The following PPP6R3 variants were observed in gnomAD, a reference collection of about 807,000 sequenced individuals.
PPP6R3 encodes the protein serine/threonine-protein phosphatase 6 regulatory subunit 3.
PPP6R3 carries 38 observed loss-of-function variants against 110.7 expected under a neutral mutation model. The ratio of observed to expected loss-of-function variants is 0.34; its 90% CI spans 0.26 to 0.45. The LOEUF is 0.45. PPP6R3 is among the 20% of genes least tolerant of loss of function. The pLI is 1.00. For missense variants in PPP6R3, 870 were observed against 1,062.4 expected (o/e 0.82, Z 2.52); for synonymous variants, 369 against 373.5 (o/e 0.99, Z 0.14).
At position 68,614,259 on chromosome 11, in the gene PPP6R3, T is replaced by G. The variant is rs1177201354; in HGVS notation, c.*1142T>G. On this transcript the variant is annotated 3_prime_UTR_variant, in exon 24 of 24. Coordinates refer to ENST00000393800, the MANE Select transcript of PPP6R3 (RefSeq NM_001164161.2). ...CTGGTTTGTGTATATATATAGTGAT[T>G]ATGGATACTAATTCAATGTAATTTA... 9.7e-7 allele frequency: 1 copy of G among 1,028,816 alleles called. No individual in the cohort carries two copies. 63.7% of individuals were successfully genotyped at this position (1,028,816 alleles called of 1,614,324 possible).
intron 3 of PPP6R3, among the ~76,000 whole-genome samples, chr11:68,539,585 A>G (rs1460891883): frequency 6.6e-6 from 1 of 152,214 alleles, no homozygotes; most frequent in Non-Finnish European, 1.5e-5. Context: ...CCTGTGTGTA[A>G]CATATCTTGG....
chr11:68,577,828 C>G (rs548398816), intron 14 of PPP6R3, among the ~76,000 whole-genome samples: 1 of 152,300 alleles, frequency 6.6e-6, no homozygotes, highest in African/African-American at 2.4e-5. Flanking sequence ...TCTTTGCTTG[C>G]TCTGCTTTTC....
intron 1 of PPP6R3, among the ~76,000 whole-genome samples, chr11:68,513,947 G>C (rs192751723): frequency 4.6e-5 from 7 of 152,322 alleles, no homozygotes; most frequent in Non-Finnish European, 1.0e-4. Context: ...CTGCATATGT[G>C]ATGTTGATCC....
rs145023117 is a variant in PPP6R3 at position 68,499,023 on chromosome 11, C to A, written c.-157-20478C>A. On this transcript the variant is annotated intron_variant, in intron 1 of 23. Transcript: ENST00000393800. ...CTGTGTAGAGATGTCTTACTTAGGG[C>A]AATTTTAATTTACAGTAGTGAGGTC... 4.6e-5 allele frequency among the ~76,000 whole-genome samples: 7 copies of A among 152,134 alleles called. No homozygotes were observed. In the East Asian group the frequency reaches 1.4e-3, roughly 29 times the overall value.
intron 2 of PPP6R3, among the ~76,000 whole-genome samples, chr11:68,521,343 G>A (rs1303212263): frequency 2.6e-5 from 4 of 152,212 alleles, no homozygotes; most frequent in African/African-American, 7.2e-5. Context: ...GGTGGTAGGA[G>A]CTAAAATGTC....
intron 1 of PPP6R3, among the ~76,000 whole-genome samples, chr11:68,475,657 C>T (rs1459675351): frequency 1.4e-5 from 2 of 141,750 alleles, no homozygotes; most frequent in African/African-American, 2.6e-5. Context: ...CCCTCCCGGA[C>T]GGGGCGGCTG....
At chr11:68,551,513 G>A (rs910207212) in intron 6 of PPP6R3, among the ~76,000 whole-genome samples, 28 of 151,724 alleles carry the variant, frequency 1.8e-4, no homozygotes, top group Non-Finnish European at 2.6e-4. Context: ...CCTTTGAGAC[G>A]GAGTCTCCCT....
rs141132437 is a variant in PPP6R3 at position 68,546,235 on chromosome 11, T to C, written c.414+1211T>C. ...TGTCTCTTTTTTTCTGCCTTCTAGTTAGAAATACAAGAACTGCTGGCTGTT... is the reference window on the plus strand; with the variant it reads ...TGTCTCTTTTTTTCTGCCTTCTAGTCAGAAATACAAGAACTGCTGGCTGTT... On this transcript the variant is annotated intron_variant, in intron 4 of 23. Transcript: ENST00000393800. Among the ~76,000 whole-genome samples, 978 of 152,268 alleles carry C rather than the reference T, an allele frequency of 6.4e-3. 11 individuals are homozygous for C. Among genetic ancestry groups the C allele is most frequent in the Non-Finnish European group, 7.5e-3 (510 of 68,024 alleles).
chr11:68,611,521 G>A (rs1158899275), intron 23 of PPP6R3, among the ~76,000 whole-genome samples: 1 of 152,220 alleles, frequency 6.6e-6, no homozygotes, highest in Non-Finnish European at 1.5e-5. Context: ...GGGTCAGCCA[G>A]TGGAAGAAGA....
At chr11:68,468,049 C>G (rs545371849) in intron 1 of PPP6R3, among the ~76,000 whole-genome samples, 6 of 152,302 alleles carry the variant, frequency 3.9e-5, no homozygotes, top group Non-Finnish European at 8.8e-5. Context: ...GTTGAAATTA[C>G]AGGCATGAGC....
At chr11:68,592,912 C>T (rs757935030) in intron 18 of PPP6R3, among the ~76,000 whole-genome samples, 13 of 152,164 alleles carry the variant, frequency 8.5e-5, no homozygotes, top group South Asian at 2.1e-4. Flanking sequence ...CAGAGCACCA[C>T]GTGTGGAAGG....
At chr11:68,465,635 A>G (rs558661688) in intron 1 of PPP6R3, among the ~76,000 whole-genome samples, 14 of 152,334 alleles carry the variant, frequency 9.2e-5, no homozygotes, top group African/African-American at 3.4e-4. Flanking sequence ...CAGCAAATAC[A>G]TTAATTGAGT....
intron 4 of PPP6R3, 113 bp from the exon 5 acceptor site, chr11:68,547,954 T>C (rs1404739359): frequency 9.9e-6 from 11 of 1,110,276 alleles, no homozygotes; most frequent in Non-Finnish European, 1.4e-5. Context: ...CATTTGCCAT[T>C]TCTCAACCTA....
intron 1 of PPP6R3, among the ~76,000 whole-genome samples, chr11:68,467,597 C>T (rs999364215): frequency 3.9e-5 from 6 of 152,168 alleles, no homozygotes; most frequent in Admixed American, 1.3e-4. Context: ...CACACTGAGA[C>T]CCTAATCAGG....
chr11:68,578,535 G>A (rs560307850), intron 14 of PPP6R3, among the ~76,000 whole-genome samples: 2 of 152,280 alleles, frequency 1.3e-5, no homozygotes, highest in Admixed American at 6.5e-5. Context: ...TCATAGAAGT[G>A]GAGTCAGCCC....
intron 16 of PPP6R3, among the ~76,000 whole-genome samples, chr11:68,589,872 C>T (rs933613680): frequency 6.6e-6 from 1 of 152,224 alleles, no homozygotes; most frequent in Admixed American, 6.5e-5. Flanking sequence ...AAGGCTGTTA[C>T]GTGCCTTGAG....
intron 1 of PPP6R3, among the ~76,000 whole-genome samples, chr11:68,514,614 T>C (rs1180716735): frequency 1.3e-5 from 2 of 152,208 alleles, no homozygotes; most frequent in African/African-American, 4.8e-5. Flanking sequence ...AGACGGAGTC[T>C]TGCTCTGACG....
intron 1 of PPP6R3, among the ~76,000 whole-genome samples, chr11:68,461,638 G>A (rs1591390984): frequency 6.6e-6 from 1 of 152,168 alleles, no homozygotes; most frequent in East Asian, 1.9e-4. Flanking sequence ...TGAACGGGAT[G>A]GGTCTTTGGA....
chr11:68,518,205 G>A (rs183646035), intron 1 of PPP6R3, among the ~76,000 whole-genome samples: 1 of 152,238 alleles, frequency 6.6e-6, no homozygotes, highest in Admixed American at 6.5e-5. Context: ...AATTACAAAG[G>A]AAAATCCTCA....
Sources: allele counts gnomAD v4.1 joint callset (sites outside exome capture counted in the v4.1 genomes callset), GRCh38; gene constraint gnomAD v4.1.1; transcripts MANE v1.5; gene names NCBI Gene and HGNC (gene_info 2026-07-23, HGNC 2026-07-21).